NDRG2: variants seen among roughly 807,000 people sequenced by gnomAD.
NDRG2 encodes protein NDRG2.
NDRG2 carries 34 observed loss-of-function variants against 58.2 expected under a neutral mutation model. The observed-to-expected ratio is 0.58, with a 90% CI of 0.44 to 0.78. The LOEUF is 0.78. Among genes scored for constraint, NDRG2 ranks in the 30% least tolerant of loss-of-function variants. NDRG2 has a pLI of 0.00. For missense variants in NDRG2, 434 were observed against 471.2 expected (o/e 0.92, Z 0.73); for synonymous variants, 187 against 175.9 (o/e 1.06, Z -0.50).
upstream of NDRG2, chr14:21,025,234 G>GAAA: frequency 1.2e-6 from 1 of 828,026 alleles, no homozygotes; most frequent in Non-Finnish European, 1.5e-6. The surrounding 1 kb of genome is among the most constrained non-coding windows in gnomAD (Gnocchi z 5.1). Flanking sequence ...TGCTGGGGCC[G>GAAA]GGGGGCGAGG....
intron 1 of NDRG2, among the ~76,000 whole-genome samples, chr14:21,047,982 G>A (rs1409367615): frequency 6.6e-6 from 1 of 152,118 alleles, no homozygotes. Flanking sequence ...TTAAGATCAG[G>A]ACCCTTTGGC....
chr14:21,057,500 A>T (rs1461946919), intron 1 of NDRG2, among the ~76,000 whole-genome samples: 1 of 151,470 alleles, frequency 6.6e-6, no homozygotes, highest in African/African-American at 2.4e-5. Flanking sequence ...GATACCTGGG[A>T]GTGTGGGAAG....
At chr14:21,041,066 T>G (rs1884874880) in intron 1 of NDRG2, among the ~76,000 whole-genome samples, 1 of 152,116 alleles carries the variant, frequency 6.6e-6, no homozygotes, top group Non-Finnish European at 1.5e-5. Context: ...ATCATGATTT[T>G]CACTGCAGAT....
At chr14:21,064,048 T>A (rs1886119693) in intron 1 of NDRG2, among the ~76,000 whole-genome samples, 2 of 152,116 alleles carry the variant, frequency 1.3e-5, no homozygotes, top group Non-Finnish European at 2.9e-5. Context: ...ATTTTAAGAG[T>A]GTTTCATGAC....
At chr14:21,061,205 T>A (rs1378760940) in intron 1 of NDRG2, among the ~76,000 whole-genome samples, 24 of 152,304 alleles carry the variant, frequency 1.6e-4, no homozygotes, top group Non-Finnish European at 4.4e-5. Context: ...CCGTTGGATA[T>A]TTCTGGCACA....
chr14:21,055,175 G>C (rs1372637831), intron 1 of NDRG2, among the ~76,000 whole-genome samples: 1 of 152,198 alleles, frequency 6.6e-6, no homozygotes, highest in East Asian at 1.9e-4. Context: ...TTGACTGCAA[G>C]TAAGTTGTGA....
At chr14:21,018,321 T>C (rs1446973526) in intron 13 of NDRG2, 82 bp from the exon 14 acceptor site, 2 of 1,605,880 alleles carry the variant, frequency 1.2e-6, no homozygotes, top group East Asian at 4.5e-5. Context: ...CTCTCTTCCC[T>C]AGCTTCTTCA....
In NDRG2 at chr14:21,019,779, AAG is replaced by A. The variant is rs1879053401; in HGVS notation, c.613-39_613-38del. The A allele has an allele frequency of 1.9e-6, 3 of 1,538,880 alleles. No homozygotes were observed. In the Middle Eastern group the frequency reaches 5.1e-4, roughly 261 times the overall value. On this transcript the variant is annotated intron_variant, in intron 9 of 15. Transcript: ENST00000556147. ...AACAAGGAGAAAAATTAGGGATGGA[AAG>A]AGAAAACAACAATTACTGGAGGAAA... is the stretch of plus-strand genomic sequence containing the variant.
chr14:21,058,241 A>G, intron 1 of NDRG2: 3 of 1,614,038 alleles, frequency 1.9e-6, no homozygotes, highest in Non-Finnish European at 2.5e-6. Flanking sequence ...GAAGTACCCA[A>G]ACTGCAGGTA....
chr14:21,037,607 C>T (rs1374202225), intron 1 of NDRG2, among the ~76,000 whole-genome samples: 1 of 152,138 alleles, frequency 6.6e-6, no homozygotes, highest in Non-Finnish European at 1.5e-5. Flanking sequence ...ATTATCCAGA[C>T]CAAGATGTAA....
chr14:21,036,501 AG>A, intron 1 of NDRG2, among the ~76,000 whole-genome samples: 1 of 152,284 alleles, frequency 6.6e-6, no homozygotes, highest in Middle Eastern at 3.4e-3. Flanking sequence ...CTGCATTCAA[AG>A]CCATCCTGGG....
chr14:21,021,682 G>C lies in NDRG2; in HGVS notation c.407+135C>G, dbSNP rs11850047. ...CCACCTTTTCTCAATAATCAAGGCGGGAGCATGAAGGAAGAAGATATATTG... is the reference window on the plus strand; with the variant it reads ...CCACCTTTTCTCAATAATCAAGGCGCGAGCATGAAGGAAGAAGATATATTG... On this transcript the variant is annotated intron_variant, in intron 6 of 15. Coordinates refer to ENST00000556147, the MANE Select transcript of NDRG2 (RefSeq NM_001320329.2). The C allele has an allele frequency of 3.2e-3, 3,067 of 960,880 alleles. 83 individuals carry two copies. In the African/African-American group the frequency reaches 0.043, roughly 13 times the overall value. 59.5% of individuals were successfully genotyped at this position (960,880 alleles called of 1,614,324 possible).
chr14:21,070,213 G>A lies in NDRG2; in HGVS notation c.24+615C>T. On this transcript the variant is annotated intron_variant, in intron 1 of 14. Transcript: ENST00000403829. The surrounding 1 kb of genome is among the most constrained non-coding windows in gnomAD (Gnocchi z 4.7). ...GGCGCTGAAGGGCGGGGCGGGGAGG[G>A]GCGGCCGTCTCGGCCCTCCCTGGCG... 2.4e-6 allele frequency: 1 copy of A among 415,962 alleles called. No individual in the cohort carries two copies. Among genetic ancestry groups the A allele is most frequent in the Non-Finnish European group, 3.6e-6 (1 of 275,662 alleles). The allele number at this position is 415,962 out of a possible 1,614,324, so 25.8% of individuals were successfully genotyped here. A position where few individuals can be genotyped will look rare whatever the true frequency, so the allele number is the denominator to read the frequency against.
At chr14:21,036,106 A>G in intron 1 of NDRG2, 1 of 443,266 alleles carries the variant, frequency 2.3e-6, no homozygotes, top group East Asian at 7.0e-5. Context: ...AGTCCTCAGT[A>G]TGAGCCTGAG....
intron 1 of NDRG2, chr14:21,023,691 T>C (rs1409785325): frequency 1.4e-5 from 3 of 212,538 alleles, no homozygotes; most frequent in Non-Finnish European, 2.9e-5. Flanking sequence ...AGGTAGGGAG[T>C]GAAACTTGTA....
At position 21,021,822 on chromosome 14, in the gene NDRG2, G is replaced by T; in HGVS notation, c.402C>A (p.Tyr134Ter). ...GGGGTTCCCAGGCCTCTCACTTTAG[G>T]TACTGCAGGACGCAAGGGATCATGT... ...LADMIPCVLQ[Y>*]LNFSTIIGVG... is the part of the protein sequence containing the mutation. Residue 134 changes from tyrosine to a stop codon, truncating the protein, a stop_gained, in exon 6 of 16, where the codon TAC (tyrosine) becomes TAA (stop). Coordinates refer to ENST00000556147, the MANE Select transcript of NDRG2 (RefSeq NM_001320329.2). LOFTEE classifies it high-confidence loss of function. 1 of 1,612,534 alleles carries T rather than the reference G, an allele frequency of 6.2e-7. No homozygotes were observed. Among genetic ancestry groups the T allele is most frequent in the Non-Finnish European group, 8.5e-7 (1 of 1,179,294 alleles).
In NDRG2 at chr14:21,017,019, A is replaced by T. The variant is rs1877199970; in HGVS notation, c.*577T>A. 2.2e-6 allele frequency: 1 copy of T among 455,342 alleles called. No individual in the cohort carries two copies. The allele number at this position is 455,342 out of a possible 1,614,324, so 28.2% of individuals were successfully genotyped here. A position where few individuals can be genotyped will look rare whatever the true frequency, so the allele number is the denominator to read the frequency against. On this transcript the variant is annotated 3_prime_UTR_variant, in exon 16 of 16. Transcript: ENST00000556147. ...TGCCCCAGCACCAATCCTTCCCCACACTCGTTCACTGCCCGCCAACTCCCA... is the reference window on the plus strand; with the variant it reads ...TGCCCCAGCACCAATCCTTCCCCACTCTCGTTCACTGCCCGCCAACTCCCA...
Position 21,018,705 on chromosome 14 carries a change from A to C in NDRG2, c.813+58T>G. 3 of 1,610,836 alleles carry C rather than the reference A, an allele frequency of 1.9e-6. No homozygotes were observed. In the South Asian group the frequency reaches 3.3e-5, roughly 18 times the overall value. Reference sequence around the variant, plus strand: ...ATCCCCTTGGCAAGATACTCTTCTGACCACCACTTTAGGACCCCAACCCTC... The same window carrying C: ...ATCCCCTTGGCAAGATACTCTTCTGCCCACCACTTTAGGACCCCAACCCTC... On this transcript the variant is annotated intron_variant, in intron 12 of 15. Transcript: ENST00000556147.
At chr14:21,062,524 G>C (rs1886016289) in intron 1 of NDRG2, among the ~76,000 whole-genome samples, 1 of 152,186 alleles carries the variant, frequency 6.6e-6, no homozygotes, top group Non-Finnish European at 1.5e-5. Flanking sequence ...GGGTTTGCCT[G>C]AGGCCCGTGT....
Sources: gnomAD v4.1 joint callset for allele counts (sites outside exome capture counted in the v4.1 genomes callset) on GRCh38, gnomAD v4.1.1 for gene constraint, Gnocchi (gnomAD v3.1) non-coding constraint, MANE v1.5 for transcripts, NCBI Gene and HGNC (gene_info 2026-07-23, HGNC 2026-07-21) for gene names.